CDH10: variants seen among roughly 807,000 people sequenced by gnomAD.
CDH10 encodes cadherin-10.
CDH10 carries 30 observed loss-of-function variants against 73.1 expected under a neutral mutation model. That is an observed-to-expected ratio of 0.41 (90% confidence interval 0.31 to 0.56). CDH10 has a LOEUF of 0.56. Among genes scored for constraint, CDH10 ranks in the 20% least tolerant of loss-of-function variants. The pLI is 0.27. For synonymous variants in CDH10, 345 were observed against 348.2 expected, an observed-to-expected ratio of 0.99 and a Z score of 0.10; for missense variants, 815 against 973.7, an observed-to-expected ratio of 0.84 and a Z score of 2.17.
intron 1 of CDH10, among the ~76,000 whole-genome samples, chr5:24,616,591 T>C (rs1295590897): frequency 6.6e-6 from 1 of 152,154 alleles, no homozygotes; most frequent in African/African-American, 2.4e-5. Flanking sequence ...ATACTTTCTA[T>C]ATTTAAAAAA....
chr5:24,611,549 G>T (rs1321765739), intron 1 of CDH10, among the ~76,000 whole-genome samples: 1 of 152,058 alleles, frequency 6.6e-6, no homozygotes, highest in Non-Finnish European at 1.5e-5. Context: ...GAATAAAATA[G>T]GATTATTAGA....
Position 24,492,863 on chromosome 5 carries a change from G to GA in CDH10, c.1577dup (p.Ser527GlnfsTer14). On this transcript the variant is annotated frameshift_variant, in exon 10 of 12. Transcript: ENST00000264463. LOFTEE classifies it high-confidence loss of function. ...AGTTTGGATTGACAGCAGCTAAACTGAAAAAAAATTTCTGTCCACCTAAAG... is the reference window on the plus strand; with the variant it reads ...AGTTTGGATTGACAGCAGCTAAACTGAAAAAAAAATTTCTGTCCACCTAAAG... 1.9e-5 allele frequency: 30 copies of GA among 1,589,148 alleles called. No homozygotes were observed. Among genetic ancestry groups the GA allele is most frequent in the Non-Finnish European group, 2.4e-5 (28 of 1,157,934 alleles).
chr5:24,491,625 G>A lies in CDH10; in HGVS notation c.1827C>T (p.Leu609=), dbSNP rs373578156. Residue 609 remains leucine (L), a synonymous_variant, in exon 11 of 12, where the codon CTC becomes CTT. Coordinates refer to ENST00000264463, the MANE Select transcript of CDH10 (RefSeq NM_006727.5). ...GGATGGCGATCAAGGCCCCAGTGCTGAGGCCGGCAGGGAGGAGCAGGGCTT... is the reference window on the plus strand; with the variant it reads ...GGATGGCGATCAAGGCCCCAGTGCTAAGGCCGGCAGGGAGGAGCAGGGCTT... The part of the protein sequence containing the change: ...SAEALLLPAG[L]STGALIAILL... 2.3e-5 allele frequency: 37 copies of A among 1,613,796 alleles called. No individual in the cohort carries two copies. The highest frequency in any genetic ancestry group is 3.1e-5 in the Non-Finnish European group (36 of 1,179,886).
chr5:24,633,002 T>C (rs1013374361), intron 1 of CDH10, among the ~76,000 whole-genome samples: 3 of 151,898 alleles, frequency 2.0e-5, no homozygotes, highest in Non-Finnish European at 2.9e-5. Flanking sequence ...GATATAGTTA[T>C]ACATATAGAA....
intron 2 of CDH10, among the ~76,000 whole-genome samples, chr5:24,572,839 C>A (rs762984049): frequency 3.8e-4 from 58 of 150,794 alleles, no homozygotes; most frequent in Admixed American, 9.2e-4. Flanking sequence ...CTTGCCTGTG[C>A]CTCACATATG....
At chr5:24,530,151 T>C (rs777153527) in intron 5 of CDH10, among the ~76,000 whole-genome samples, 43 of 151,656 alleles carry the variant, frequency 2.8e-4, no homozygotes, top group Non-Finnish European at 4.4e-4. Context: ...GGTGCCTTTT[T>C]TTTTTCCTTG....
intron 2 of CDH10, among the ~76,000 whole-genome samples, chr5:24,576,791 T>C (rs568721295): frequency 6.6e-6 from 1 of 151,924 alleles, no homozygotes; most frequent in South Asian, 2.1e-4. Context: ...CCCTTAAGAG[T>C]GGACTATGCT....
chr5:24,488,950 G>A (rs1403763566), intron 11 of CDH10, among the ~76,000 whole-genome samples: 1 of 151,970 alleles, frequency 6.6e-6, no homozygotes, highest in Non-Finnish European at 1.5e-5. Flanking sequence ...ACTTCAATGA[G>A]AGACAATATT....
rs1744644731 is a variant in CDH10 at position 24,553,896 on chromosome 5, C to T, written c.232-16222G>A. ...GATGCCTCTGCCTTTGGAACTTGAA[C>T]ACTTGTACTACCACTCCCTGAGTTA... On this transcript the variant is annotated intron_variant, in intron 2 of 11. Transcript: ENST00000264463. The T allele has an allele frequency of 2.0e-5, 3 of 150,728 alleles. No homozygotes were observed. In the South Asian group the frequency reaches 6.3e-4, roughly 32 times the overall value. The allele number at this position is 150,728 out of a possible 1,614,324, so 9.3% of individuals were successfully genotyped here.
At chr5:24,559,651 T>C (rs2111982682) in intron 2 of CDH10, among the ~76,000 whole-genome samples, 1 of 152,142 alleles carries the variant, frequency 6.6e-6, no homozygotes. Flanking sequence ...CCACAACTGA[T>C]GAGTCTGCAT....
chr5:24,642,783 C>T (rs1461631467), intron 1 of CDH10, among the ~76,000 whole-genome samples: 1 of 151,900 alleles, frequency 6.6e-6, no homozygotes, highest in Non-Finnish European at 1.5e-5. Context: ...TTCCCATTTC[C>T]CAGAGATTTT....
chr5:24,639,298 T>C (rs1329797471), intron 1 of CDH10, among the ~76,000 whole-genome samples: 3 of 151,568 alleles, frequency 2.0e-5, no homozygotes, highest in African/African-American at 4.8e-5. Context: ...TTATTGAGAG[T>C]GGAGCTATAT....
chr5:24,565,652 AG>A (rs1257868274), intron 2 of CDH10, among the ~76,000 whole-genome samples: 1 of 152,138 alleles, frequency 6.6e-6, no homozygotes, highest in East Asian at 1.9e-4. Flanking sequence ...CCTCTAAGGA[AG>A]TAATTGAGGT....
intron 1 of CDH10, among the ~76,000 whole-genome samples, chr5:24,637,231 A>G (rs1000129782): frequency 6.6e-6 from 1 of 151,942 alleles, no homozygotes; most frequent in Non-Finnish European, 1.5e-5. Context: ...GGATGCTTGC[A>G]CAGTGTCTGG....
At chr5:24,622,558 A>G (rs1020549582) in intron 1 of CDH10, among the ~76,000 whole-genome samples, 28 of 152,332 alleles carry the variant, frequency 1.8e-4, no homozygotes, top group African/African-American at 6.7e-4. Context: ...TTACCATTCT[A>G]AAGCCCAGCC....
intron 2 of CDH10, among the ~76,000 whole-genome samples, chr5:24,538,196 T>G (rs1744027041): frequency 1.3e-5 from 2 of 152,102 alleles, no homozygotes; most frequent in Non-Finnish European, 2.9e-5. Context: ...ATACATTATT[T>G]TTTGGTTTAT....
intron 2 of CDH10, among the ~76,000 whole-genome samples, chr5:24,548,925 C>T (rs1247330663): frequency 2.0e-5 from 3 of 151,772 alleles, no homozygotes; most frequent in South Asian, 2.1e-4. Flanking sequence ...TGAAAAATAG[C>T]TATATTTAAT....
chr5:24,499,755 C>T (rs186291031), intron 8 of CDH10, among the ~76,000 whole-genome samples: 1 of 151,740 alleles, frequency 6.6e-6, no homozygotes, highest in Non-Finnish European at 1.5e-5. Flanking sequence ...ATAAATACCA[C>T]TTTATTTAGC....
At chr5:24,513,759 T>A (rs1246840486) in intron 5 of CDH10, among the ~76,000 whole-genome samples, 1 of 152,120 alleles carries the variant, frequency 6.6e-6, no homozygotes, top group Non-Finnish European at 1.5e-5. Flanking sequence ...TTTGCTACCA[T>A]CTTATTGGTT....
Sources: gnomAD v4.1 joint callset for allele counts (sites outside exome capture counted in the v4.1 genomes callset) on GRCh38, gnomAD v4.1.1 for gene constraint, MANE v1.5 for transcripts, NCBI Gene and HGNC (gene_info 2026-07-23, HGNC 2026-07-21) for gene names.